Variants in CARM1 observed in about 807,000 individuals in gnomAD.
CARM1 encodes coactivator associated arginine methyltransferase 1.
CARM1 carries 14 observed loss-of-function variants against 72.7 expected under a neutral mutation model. The observed-to-expected ratio is 0.19, with a 90% CI of 0.13 to 0.30. The LOEUF (loss-of-function observed/expected upper bound fraction) is 0.30. CARM1 is among the 10% of genes least tolerant of loss of function. The pLI, the probability that CARM1 is intolerant of heterozygous loss-of-function variation, is 1.00. For synonymous variants in CARM1, 333 were observed against 345.5 expected (o/e 0.96, Z 0.40); for missense variants, 432 against 833.7 (o/e 0.52, Z 5.93).
Position 10,920,962 on chromosome 19 carries a change from C to A in CARM1, c.1537+16C>A, listed in dbSNP as rs932977792. On this transcript the variant is annotated intron_variant, in intron 13 of 15. Coordinates refer to ENST00000327064, the MANE Select transcript of CARM1 (RefSeq NM_199141.2). The surrounding 1 kb of genome is among the most constrained non-coding windows in gnomAD (Gnocchi z 5.3). ...GCCGTGGCAGGTGAGCAGGGCCCAC[C>A]CCAATGCCCAGCCAACCCGGGAGGC... 2.5e-6 allele frequency: 4 copies of A among 1,613,516 alleles called. No homozygotes were observed. The highest frequency in any genetic ancestry group is 1.1e-5 in the South Asian group (1 of 91,068).
In CARM1 at chr19:10,921,622, C is replaced by T. The variant is rs150726474; in HGVS notation, c.1692C>T (p.Ser564=). The T allele has an allele frequency of 5.3e-5, 85 of 1,610,894 alleles. No homozygotes were observed. The highest frequency in any genetic ancestry group is 3.3e-4 in the African/African-American group (25 of 75,000). ...CCATTGCCTGCTCCACAGGGTCCTC[C>T]GGCGCCCAGGGCAGTGGTGGTGGCA... is the stretch of plus-strand genomic sequence containing the variant. ...IMSTGIVQGS[S]GAQGSGGGST... The change falls in exon 16 of 16, where the codon TCC becomes TCT. Residue 564 remains serine, a synonymous_variant. Transcript: ENST00000327064.
rs761447885 is a variant in CARM1, at chr19:10,909,171, C to T, written c.522C>T (p.Arg174=). ...ACGTGCGGACAGGCACCTACCAGCGCGCCATCCTGCAAAACCACACCGACT... is the reference window on the plus strand; with the variant it reads ...ACGTGCGGACAGGCACCTACCAGCGTGCCATCCTGCAAAACCACACCGACT... ...QDYVRTGTYQ[R]AILQNHTDFK... is the part of the protein sequence containing the mutation. The change falls in exon 4 of 16, where the codon CGC becomes CGT. Residue 174 remains arginine (R), a synonymous_variant. Coordinates refer to ENST00000327064, the MANE Select transcript of CARM1 (RefSeq NM_199141.2). 6.8e-6 allele frequency: 11 copies of T among 1,613,728 alleles called. No homozygotes were observed. The highest frequency in any genetic ancestry group is 4.0e-5 in the African/African-American group (3 of 74,912).
intron 1 of CARM1, among the ~76,000 whole-genome samples, chr19:10,897,478 T>G (rs749020458): frequency 3.3e-5 from 5 of 151,990 alleles, no homozygotes; most frequent in Non-Finnish European, 7.4e-5. Context: ...ATGGGGCAAT[T>G]TTTCTACCCC....
At chr19:10,919,803 C>T (rs761838878) in intron 9 of CARM1, 74 bp from the exon 10 acceptor site, 7 of 1,488,428 alleles carry the variant, frequency 4.7e-6, no homozygotes, top group South Asian at 1.1e-5. Context: ...CAGGCCTCTG[C>T]ACCTGGCACC....
chr19:10,902,965 G>A (rs1489135161), intron 1 of CARM1, among the ~76,000 whole-genome samples: 1 of 152,074 alleles, frequency 6.6e-6, no homozygotes, highest in Non-Finnish European at 1.5e-5. Context: ...TTTGCAAATA[G>A]TTCTCCTAAG....
intron 8 of CARM1, among the ~76,000 whole-genome samples, chr19:10,917,476 C>CA (rs956842320): frequency 9.4e-5 from 14 of 149,312 alleles, no homozygotes; most frequent in East Asian, 7.8e-4. Flanking sequence ...GACTCCGTCT[C>CA]AAAAAAAAAG....
chr19:10,888,496 A>G (rs1371349076), intron 1 of CARM1, among the ~76,000 whole-genome samples: 1 of 152,180 alleles, frequency 6.6e-6, no homozygotes, highest in Non-Finnish European at 1.5e-5. Flanking sequence ...CCAACACCTA[A>G]GAGTGCTTCC....
chr19:10,911,754 T>C (rs981546615), intron 4 of CARM1, among the ~76,000 whole-genome samples: 1 of 152,152 alleles, frequency 6.6e-6, no homozygotes, highest in Non-Finnish European at 1.5e-5. Flanking sequence ...CCCCAGGGCT[T>C]GGGCGGCTCA....
rs773034632 is a variant in CARM1 at position 10,915,629 on chromosome 19, C to T, written c.848-778C>T. Among the ~76,000 whole-genome samples the T allele has an allele frequency of 4.6e-5, 7 of 152,148 alleles. No individual in the cohort carries two copies. The highest frequency in any genetic ancestry group is 1.9e-4 in the East Asian group (1 of 5,186). On this transcript the variant is annotated intron_variant, in intron 6 of 15. Coordinates refer to ENST00000327064, the MANE Select transcript of CARM1 (RefSeq NM_199141.2). The surrounding 1 kb of genome is among the most constrained non-coding windows in gnomAD (Gnocchi z 4.6). ...AGCTGCAGCCCTGCAGCTCTCGCCT[C>T]GGGTACAGCCTGGTGGCGTAAGGAG...
At chr19:10,911,168 G>A (rs1483254193) in intron 4 of CARM1, among the ~76,000 whole-genome samples, 1 of 152,206 alleles carries the variant, frequency 6.6e-6, no homozygotes, top group African/African-American at 2.4e-5. Flanking sequence ...TGAGATTACA[G>A]GTGTGAGCCG....
At position 10,916,935 on chromosome 19, in the gene CARM1, A is replaced by G. The variant is rs1568356503; in HGVS notation, c.1020+158A>G. On this transcript the variant is annotated intron_variant, in intron 8 of 15. Transcript: ENST00000327064. The surrounding 1 kb of genome is among the most constrained non-coding windows in gnomAD (Gnocchi z 4.4). The stretch of plus-strand genomic sequence containing the variant: ...GCCAAAAGTGTCAATGCATGTAGAC[A>G]CTTAGCACACAGCACACATGCAATA... Among the ~76,000 whole-genome samples, 1 of 152,194 alleles carries G rather than the reference A, an allele frequency of 6.6e-6. No homozygotes were observed. The highest frequency in any genetic ancestry group is 1.5e-5 in the Non-Finnish European group (1 of 68,040).
intron 8 of CARM1, chr19:10,919,294 G>A (rs780197098): frequency 6.6e-5 from 21 of 316,916 alleles, no homozygotes; most frequent in Non-Finnish European, 1.0e-4. Context: ...CCAGTGTGTC[G>A]CTACCACGGA....
At chr19:10,902,291 T>A in intron 1 of CARM1, among the ~76,000 whole-genome samples, 1 of 59,918 alleles carries the variant, frequency 1.7e-5, no homozygotes, top group African/African-American at 5.1e-5. Flanking sequence ...TTGTTGTTTC[T>A]TTTTTTTTTT....
intron 1 of CARM1, among the ~76,000 whole-genome samples, chr19:10,876,743 G>T (rs2073867543): frequency 6.6e-6 from 1 of 152,372 alleles, no homozygotes; most frequent in East Asian, 1.9e-4. Flanking sequence ...GGAAGCTTTG[G>T]CATGGCCTCT....
In CARM1 at chr19:10,912,809, C is replaced by A. The variant is rs2074163068; in HGVS notation, c.669+515C>A. Among the ~76,000 whole-genome samples, 1 of 152,164 alleles carries A rather than the reference C, an allele frequency of 6.6e-6. No homozygotes were observed. The highest frequency in any genetic ancestry group is 1.5e-5 in the Non-Finnish European group (1 of 68,024). ...TTGCCGCCGCAGAGCACCCCTGTGC[C>A]CAGCCGTGCCGCTGTTGCTTTAGCT... On this transcript the variant is annotated intron_variant, in intron 5 of 15. Transcript: ENST00000327064. The surrounding 1 kb of genome is among the most constrained non-coding windows in gnomAD (Gnocchi z 4.5).
intron 1 of CARM1, among the ~76,000 whole-genome samples, chr19:10,872,752 C>T (rs896719909): frequency 1.3e-5 from 2 of 151,794 alleles, no homozygotes; most frequent in Non-Finnish European, 2.9e-5. Flanking sequence ...CTTTGTAGTT[C>T]ATTCTTCTTC....
At chr19:10,887,001 T>C (rs2073947128) in intron 1 of CARM1, among the ~76,000 whole-genome samples, 1 of 152,112 alleles carries the variant, frequency 6.6e-6, no homozygotes, top group African/African-American at 2.4e-5. Flanking sequence ...TGCCTCGGTG[T>C]CCTGAGGAGC....
At chr19:10,887,563 C>T (rs961300917) in intron 1 of CARM1, among the ~76,000 whole-genome samples, 1 of 152,200 alleles carries the variant, frequency 6.6e-6, no homozygotes, top group African/African-American at 2.4e-5. Flanking sequence ...CATCCTGTGT[C>T]TCTGGCTGAT....
chr19:10,876,216 C>A lies in CARM1; in HGVS notation c.220+4294C>A, dbSNP rs531065820. ...AATTTTTAAGTTTCTTCTAGCGATG[C>A]GGTCTCACTATTTTGCCCAGGCTGG... On this transcript the variant is annotated intron_variant, in intron 1 of 15. Coordinates refer to ENST00000327064, the MANE Select transcript of CARM1 (RefSeq NM_199141.2). Among the ~76,000 whole-genome samples the A allele has an allele frequency of 7.2e-5, 11 of 151,988 alleles. No individual in the cohort carries two copies. In the South Asian group the frequency reaches 1.9e-3, roughly 26 times the overall value.
Sources: gnomAD v4.1 joint callset for allele counts (sites outside exome capture counted in the v4.1 genomes callset) on GRCh38, gnomAD v4.1.1 for gene constraint, Gnocchi (gnomAD v3.1) non-coding constraint, MANE v1.5 for transcripts, NCBI Gene and HGNC (gene_info 2026-07-23, HGNC 2026-07-21) for gene names.